Variants in TMED8 observed in about 807,000 individuals in gnomAD.
TMED8 encodes transmembrane p24 trafficking protein family member 8.
TMED8 carries 15 observed loss-of-function variants against 32.7 expected under a neutral mutation model. The ratio of observed to expected loss-of-function variants is 0.46; its 90% CI spans 0.31 to 0.71. The LOEUF (loss-of-function observed/expected upper bound fraction) is 0.71. Ranked by LOEUF, TMED8 falls within the 30% of genes least tolerant of loss-of-function variation. The pLI is 0.06. For synonymous variants in TMED8, 147 were observed against 161.4 expected, an observed-to-expected ratio of 0.91 and a Z score of 0.68; for missense variants, 390 against 423.9, an observed-to-expected ratio of 0.92 and a Z score of 0.70.
intron 1 of TMED8, among the ~76,000 whole-genome samples, chr14:77,370,002 T>C (rs927305980): frequency 6.6e-6 from 1 of 152,168 alleles, no homozygotes; most frequent in African/African-American, 2.4e-5. Context: ...TGAAACCCCA[T>C]CTCTACTAAA....
At chr14:77,343,594 TC>T (rs200331868) in intron 4 of TMED8, 102 bp downstream of exon 4, 1 of 1,583,276 alleles carries the variant, frequency 6.3e-7, no homozygotes, top group Non-Finnish European at 8.6e-7. Flanking sequence ...TGGCTTGACT[TC>T]CTTTCACAAG....
rs1483432131 is a variant in TMED8 at position 77,376,641 on chromosome 14, G to A, written c.118+295C>T. The stretch of plus-strand genomic sequence containing the variant: ...CCGAACCCCGGCTGAAGCTGAAACT[G>A]AAGCTGAAGAGGCGCCAGGGGCAGA... On this transcript the variant is annotated intron_variant, in intron 1 of 5. Coordinates refer to ENST00000216468, the MANE Select transcript of TMED8 (RefSeq NM_213601.3). This position sits in a 1 kb window ranked among gnomAD's most constrained non-coding sequence, Gnocchi z 4.0. The A allele has an allele frequency of 1.8e-5, 4 of 224,822 alleles. No homozygotes were observed. In the East Asian group the frequency reaches 3.5e-4, roughly 20 times the overall value. 13.9% of individuals were successfully genotyped at this position (224,822 alleles called of 1,614,324 possible).
At position 77,361,918 on chromosome 14, in the gene TMED8, T is replaced by C. The variant is rs553114621; in HGVS notation, c.119-10167A>G. 3.9e-5 allele frequency among the ~76,000 whole-genome samples: 6 copies of C among 152,248 alleles called. No individual in the cohort carries two copies. In the East Asian group the frequency reaches 1.2e-3, roughly 29 times the overall value. On this transcript the variant is annotated intron_variant, in intron 1 of 5. Transcript: ENST00000216468. ...AATCCTCCCACCTCAGCCTCCCGAG[T>C]AGCTGACACAACAGGCATGGGCTAC... is the stretch of plus-strand genomic sequence containing the variant.
intron 1 of TMED8, among the ~76,000 whole-genome samples, chr14:77,358,413 C>T (rs1401153887): frequency 6.6e-6 from 1 of 151,940 alleles, no homozygotes; most frequent in African/African-American, 2.4e-5. Flanking sequence ...GTAATTCTGC[C>T]TTAGCCTCCT....
At chr14:77,373,484 A>C (rs1325621750) in intron 1 of TMED8, among the ~76,000 whole-genome samples, 1 of 152,196 alleles carries the variant, frequency 6.6e-6, no homozygotes, top group Non-Finnish European at 1.5e-5. Flanking sequence ...GAACACCATG[A>C]CCACTGGAGA....
Position 77,367,702 on chromosome 14 carries a change from T to G in TMED8, c.118+9234A>C, listed in dbSNP as rs536975516. ...GGTTTGTTAACTTTCTTTCTTTTTTTTTTTTTCTGAGACAGAATCTCACTC... is the reference window on the plus strand; with the variant it reads ...GGTTTGTTAACTTTCTTTCTTTTTTGTTTTTTCTGAGACAGAATCTCACTC... On this transcript the variant is annotated intron_variant, in intron 1 of 5. Transcript: ENST00000216468. Among the ~76,000 whole-genome samples, 37 of 152,218 alleles carry G rather than the reference T, an allele frequency of 2.4e-4. 1 individual carries two copies. The highest frequency in any genetic ancestry group is 1.6e-3 in the Admixed American group (25 of 15,298).
At position 77,339,890 on chromosome 14, in the gene TMED8, A is replaced by T. The variant is rs1027140489; in HGVS notation, c.*1881T>A. On this transcript the variant is annotated 3_prime_UTR_variant, in exon 6 of 6. Transcript: ENST00000216468. ...CAGGTGCAGGATATATTGCCCTTTGATGTGATGTAGATGCTACTAGGGACC... is the reference window on the plus strand; with the variant it reads ...CAGGTGCAGGATATATTGCCCTTTGTTGTGATGTAGATGCTACTAGGGACC... 6.6e-5 allele frequency: 10 copies of T among 152,174 alleles called. No individual in the cohort carries two copies. 9.4% of individuals were successfully genotyped at this position (152,174 alleles called of 1,614,324 possible).
Position 77,336,173 on chromosome 14 carries a change from C to T in TMED8, c.*5598G>A, listed in dbSNP as rs565885995. The T allele has an allele frequency of 6.6e-6, 1 of 152,282 alleles. No individual in the cohort carries two copies. Among genetic ancestry groups the T allele is most frequent in the South Asian group, 2.1e-4 (1 of 4,832 alleles). 9.4% of individuals were successfully genotyped at this position (152,282 alleles called of 1,614,324 possible). On this transcript the variant is annotated 3_prime_UTR_variant, in exon 6 of 6. Coordinates refer to ENST00000216468, the MANE Select transcript of TMED8 (RefSeq NM_213601.3). ...GAAAATATACTTTGTCCTCTGGAAG[C>T]AATTTCACATATATTATTTTGCCCC...
chr14:77,373,307 A>AC (rs1181402776), intron 1 of TMED8, among the ~76,000 whole-genome samples: 2 of 151,922 alleles, frequency 1.3e-5, no homozygotes, highest in Non-Finnish European at 2.9e-5. Context: ...AAACTTAAAA[A>AC]AAAAACAAAA....
At chr14:77,373,422 G>A (rs1893744181) in intron 1 of TMED8, among the ~76,000 whole-genome samples, 1 of 151,998 alleles carries the variant, frequency 6.6e-6, no homozygotes. Context: ...GAAGAACCCA[G>A]GTGCCTCAAA....
intron 5 of TMED8, among the ~76,000 whole-genome samples, chr14:77,342,342 G>T (rs913291545): frequency 2.6e-5 from 4 of 152,160 alleles, no homozygotes; most frequent in African/African-American, 9.7e-5. Context: ...ATATTTAGAA[G>T]AAAAGATCCC....
At chr14:77,368,774 C>G (rs1893612107) in intron 1 of TMED8, among the ~76,000 whole-genome samples, 1 of 152,120 alleles carries the variant, frequency 6.6e-6, no homozygotes, top group South Asian at 2.1e-4. Context: ...CAAGCCCAGT[C>G]CCTTTTTATT....
At chr14:77,349,787 A>C (rs1281703229) in intron 2 of TMED8, among the ~76,000 whole-genome samples, 1 of 152,196 alleles carries the variant, frequency 6.6e-6, no homozygotes, top group Non-Finnish European at 1.5e-5. Flanking sequence ...CAAGATGCAC[A>C]CTGGCTTTTA....
In TMED8 at chr14:77,338,733, A is replaced by G. The variant is rs1040091887; in HGVS notation, c.*3038T>C. On this transcript the variant is annotated 3_prime_UTR_variant, in exon 6 of 6. Coordinates refer to ENST00000216468, the MANE Select transcript of TMED8 (RefSeq NM_213601.3). ...TGAACCTTGGCAAAATAAACCTCTA[A>G]ATGTATTGAGACCTGTCTCAGATAC... 6.6e-6 allele frequency: 1 copy of G among 152,172 alleles called. No homozygotes were observed. Among genetic ancestry groups the G allele is most frequent in the Non-Finnish European group, 1.5e-5 (1 of 68,024 alleles). The allele number at this position is 152,172 out of a possible 1,614,324, so 9.4% of individuals were successfully genotyped here.
chr14:77,335,467 T>C lies in TMED8; in HGVS notation c.*6304A>G, dbSNP rs1174782849. On this transcript the variant is annotated 3_prime_UTR_variant, in exon 6 of 6. Coordinates refer to ENST00000216468, the MANE Select transcript of TMED8 (RefSeq NM_213601.3). ...ATGATATAGAACAGTAAGAAAATAA[T>C]GTCTTTGTAGTTGCCAATTGCTTAA... 2.6e-5 allele frequency: 4 copies of C among 152,236 alleles called. No individual in the cohort carries two copies. The highest frequency in any genetic ancestry group is 4.8e-5 in the African/African-American group (2 of 41,468). 9.4% of individuals were successfully genotyped at this position (152,236 alleles called of 1,614,324 possible).
chr14:77,355,360 A>G (rs560006353), intron 1 of TMED8, among the ~76,000 whole-genome samples: 2 of 151,774 alleles, frequency 1.3e-5, no homozygotes, highest in Non-Finnish European at 2.9e-5. Flanking sequence ...ACACCCGGCT[A>G]ATTTTTTGTA....
At chr14:77,372,997 C>A (rs1411250287) in intron 1 of TMED8, among the ~76,000 whole-genome samples, 5 of 103,638 alleles carry the variant, frequency 4.8e-5, no homozygotes, top group Non-Finnish European at 9.0e-5. Context: ...ACAGCGTCTC[C>A]CTCTGTCGCC....
chr14:77,377,043 A>G lies in TMED8; in HGVS notation c.11T>C (p.Leu4Pro), dbSNP rs1348810103. MSD[L>P]QAAEGPGSWS... ...GGAGCCCGGCCCCTCAGCCGCCTGCAGGTCAGACATCTGCAGCCCGCGCAC... is the reference window on the plus strand; with the variant it reads ...GGAGCCCGGCCCCTCAGCCGCCTGCGGGTCAGACATCTGCAGCCCGCGCAC... Residue 4 changes from leucine (L) to proline (P), a missense_variant, in exon 1 of 6, where the codon CTG becomes CCG. Coordinates refer to ENST00000216468, the MANE Select transcript of TMED8 (RefSeq NM_213601.3). The G allele has an allele frequency of 2.2e-6, 3 of 1,370,354 alleles. No homozygotes were observed. Among genetic ancestry groups the G allele is most frequent in the South Asian group, 3.5e-5 (2 of 57,840 alleles). 84.9% of individuals were successfully genotyped at this position (1,370,354 alleles called of 1,614,324 possible).
chr14:77,348,230 C>CTTT, intron 2 of TMED8, among the ~76,000 whole-genome samples: 1 of 148,426 alleles, frequency 6.7e-6, no homozygotes, highest in Non-Finnish European at 1.5e-5. Flanking sequence ...GTTTTAATTT[C>CTTT]TTTTTTTTTT....
Sources: gnomAD v4.1 joint callset for allele counts (sites outside exome capture counted in the v4.1 genomes callset) on GRCh38, gnomAD v4.1.1 for gene constraint, Gnocchi (gnomAD v3.1) non-coding constraint, MANE v1.5 for transcripts, NCBI Gene and HGNC (gene_info 2026-07-23, HGNC 2026-07-21) for gene names.